CHRM2: variants seen among roughly 807,000 people sequenced by gnomAD.
CHRM2 encodes the protein cholinergic receptor muscarinic 2.
CHRM2 carries 8 observed loss-of-function variants against 25.0 expected under a neutral mutation model. That is an observed-to-expected ratio of 0.32 (90% CI 0.19 to 0.58). CHRM2 has a LOEUF of 0.58. Among genes scored for constraint, CHRM2 ranks in the 20% least tolerant of loss-of-function variants. The probability of loss-of-function intolerance (pLI) is 0.88; values close to 1 mark genes in which losing one functional copy is unlikely to be tolerated. For synonymous variants in CHRM2, 202 were observed against 205.7 expected, an observed-to-expected ratio of 0.98 and a Z score of 0.15; for missense variants, 440 against 567.1, an observed-to-expected ratio of 0.78 and a Z score of 2.28.
intron 2 of CHRM2, among the ~76,000 whole-genome samples, chr7:136,978,616 G>A (rs528556500): frequency 2.0e-5 from 3 of 152,052 alleles, no homozygotes; most frequent in Non-Finnish European, 4.4e-5. Flanking sequence ...CACACCCCCC[G>A]ACAGGCCCCG....
At chr7:136,881,462 C>G (rs1796263399) in intron 2 of CHRM2, among the ~76,000 whole-genome samples, 1 of 151,714 alleles carries the variant, frequency 6.6e-6, no homozygotes, top group African/African-American at 2.4e-5. Context: ...AATATTTTTT[C>G]TTTTTGCTAT....
chr7:137,014,728 G>A (rs1805057428), intron 3 of CHRM2, 92 bp from the exon 4 acceptor site: 2 of 830,616 alleles, frequency 2.4e-6, no homozygotes, highest in South Asian at 3.4e-5. Context: ...AGATTTGGGA[G>A]AAAATAATGT....
At chr7:136,937,199 G>A (rs1045101587) in intron 2 of CHRM2, among the ~76,000 whole-genome samples, 11 of 152,192 alleles carry the variant, frequency 7.2e-5, no homozygotes, top group African/African-American at 1.9e-4. Context: ...TTCAATAGCC[G>A]CATAAATTAA....
At chr7:136,903,717 T>C (rs1212098632) in intron 2 of CHRM2, among the ~76,000 whole-genome samples, 1 of 151,964 alleles carries the variant, frequency 6.6e-6, no homozygotes, top group African/African-American at 2.4e-5. Context: ...TTTTTATTTA[T>C]ATCTTTAATT....
At chr7:136,942,322 A>G (rs1302771060) in intron 2 of CHRM2, among the ~76,000 whole-genome samples, 1 of 152,148 alleles carries the variant, frequency 6.6e-6, no homozygotes, top group Admixed American at 6.5e-5. Flanking sequence ...TAACTTCTTT[A>G]TATACTGGAG....
At chr7:136,933,914 G>A (rs1287448167) in intron 2 of CHRM2, among the ~76,000 whole-genome samples, 1 of 152,076 alleles carries the variant, frequency 6.6e-6, no homozygotes, top group African/African-American at 2.4e-5. Flanking sequence ...GTGAGTTTGG[G>A]AAAATTGCAA....
rs7791913 is a variant in CHRM2, at chr7:136,990,448, G to A, written c.-124-1739G>A. Among the ~76,000 whole-genome samples the A allele has an allele frequency of 4.6e-3, 707 of 152,206 alleles. 6 individuals are homozygous for A. The highest frequency in any genetic ancestry group is 0.016 in the African/African-American group (660 of 41,556). On this transcript the variant is annotated intron_variant, in intron 2 of 3. Transcript: ENST00000680005. ...TCACAGTTTTTGCCTTTTCCAGGATGTCATATAGTTGGATTCATACAGTAT... is the reference window on the plus strand; with the variant it reads ...TCACAGTTTTTGCCTTTTCCAGGATATCATATAGTTGGATTCATACAGTAT...
In CHRM2 at chr7:136,945,452, T is replaced by C. The variant is rs551888401; in HGVS notation, c.-124-46735T>C. On this transcript the variant is annotated intron_variant, in intron 2 of 3. Transcript: ENST00000680005. ...CAGTTTCATTTTTCCACATGTGGCT[T>C]GCCAGTTATCCCAGCACCATTTATT... 4.3e-3 allele frequency among the ~76,000 whole-genome samples: 656 copies of C among 152,182 alleles called. 7 individuals are homozygous for C. Among genetic ancestry groups the C allele is most frequent in the African/African-American group, 0.015 (623 of 41,552 alleles).
chr7:136,975,007 G>A (rs1802022166), intron 2 of CHRM2, among the ~76,000 whole-genome samples: 1 of 152,180 alleles, frequency 6.6e-6, no homozygotes, highest in African/African-American at 2.4e-5. Context: ...TATAGGAAGA[G>A]TTAACAAGGG....
At chr7:137,009,219 G>A (rs76849961) in intron 3 of CHRM2, among the ~76,000 whole-genome samples, 1 of 151,836 alleles carries the variant, frequency 6.6e-6, no homozygotes, top group Admixed American at 6.6e-5. Flanking sequence ...ATAATTCTCC[G>A]CTTTTATCTA....
chr7:136,996,089 T>A (rs1217822289), intron 3 of CHRM2, among the ~76,000 whole-genome samples: 1 of 151,920 alleles, frequency 6.6e-6, no homozygotes, highest in Non-Finnish European at 1.5e-5. Flanking sequence ...AACTGCCTGA[T>A]AAATGTTTCT....
At chr7:136,958,638 A>G (rs1333243516) in intron 2 of CHRM2, among the ~76,000 whole-genome samples, 5 of 151,532 alleles carry the variant, frequency 3.3e-5, no homozygotes, top group African/African-American at 1.2e-4. Context: ...TGTATTTTCT[A>G]TAGAGATGGA....
At chr7:136,909,863 A>AT (rs1364307281) in intron 2 of CHRM2, among the ~76,000 whole-genome samples, 1 of 151,942 alleles carries the variant, frequency 6.6e-6, no homozygotes, top group Non-Finnish European at 1.5e-5. Flanking sequence ...AGAAGGATTG[A>AT]TTTTAAGATA....
At chr7:136,962,125 G>T (rs956099244) in intron 2 of CHRM2, among the ~76,000 whole-genome samples, 2 of 122,362 alleles carry the variant, frequency 1.6e-5, no homozygotes, top group African/African-American at 6.4e-5. Flanking sequence ...CAACTGAATA[G>T]GTAACTGGTA....
chr7:136,898,187 G>A (rs999486007), intron 2 of CHRM2, among the ~76,000 whole-genome samples: 1 of 152,094 alleles, frequency 6.6e-6, no homozygotes, highest in Non-Finnish European at 1.5e-5. Flanking sequence ...ATTTCTCATA[G>A]TCCATATACA....
At chr7:136,881,774 C>T (rs1034872163) in intron 2 of CHRM2, among the ~76,000 whole-genome samples, 1 of 151,868 alleles carries the variant, frequency 6.6e-6, no homozygotes, top group Non-Finnish European at 1.5e-5. Flanking sequence ...GTTTGTTTAC[C>T]AAGTTTGGAC....
chr7:136,994,521 C>CTTTTTTTTTTTTTTTTTTTTTTTT (rs757243972), intron 3 of CHRM2, among the ~76,000 whole-genome samples: 2 of 71,416 alleles, frequency 2.8e-5, no homozygotes, highest in African/African-American at 5.7e-5. Context: ...TTTTTCTTTT[C>CTTTTTTTTTTTTTTTTTTTTTTTT]TTTTTTTTTT....
At chr7:137,002,075 T>A (rs1804073523) in intron 3 of CHRM2, among the ~76,000 whole-genome samples, 1 of 152,148 alleles carries the variant, frequency 6.6e-6, no homozygotes, top group Non-Finnish European at 1.5e-5. Context: ...AGAAAAAATA[T>A]GAGAAAAGCC....
intron 2 of CHRM2, among the ~76,000 whole-genome samples, chr7:136,983,897 T>A (rs532478701): frequency 6.6e-6 from 1 of 152,268 alleles, no homozygotes; most frequent in East Asian, 1.9e-4. Context: ...TGTCTCCCCA[T>A]CAGGAGGCCC....
Sources: gnomAD v4.1 joint callset for allele counts (sites outside exome capture counted in the v4.1 genomes callset) on GRCh38, gnomAD v4.1.1 for gene constraint, MANE v1.5 for transcripts, NCBI Gene and HGNC (gene_info 2026-07-23, HGNC 2026-07-21) for gene names.